The following NRXN3 variants were observed in gnomAD, a reference collection of about 807,000 sequenced individuals.
The protein encoded by NRXN3 is neurexin III.
A neutral mutation model predicts 137.6 loss-of-function variants in NRXN3; 32 were observed. The ratio of observed to expected loss-of-function variants is 0.23; its 90% CI spans 0.18 to 0.31. The LOEUF is 0.31. Ranked by LOEUF, NRXN3 falls within the 10% of genes least tolerant of loss-of-function variation. The pLI, the probability that NRXN3 is intolerant of heterozygous loss-of-function variation, is 1.00. For synonymous variants in NRXN3, 798 were observed against 784.5 expected (o/e 1.02, Z -0.29); for missense variants, 1,574 against 2,062.5 (o/e 0.76, Z 4.59).
chr14:79,134,591 T>A (rs1012464355), intron 15 of NRXN3, among the ~76,000 whole-genome samples: 6 of 152,236 alleles, frequency 3.9e-5, no homozygotes, highest in African/African-American at 1.2e-4. Context: ...AAGCAGCAGC[T>A]GCTTTGAGAC....
At chr14:79,661,165 G>C (rs221443) in intron 16 of NRXN3, among the ~76,000 whole-genome samples, 39,476 of 151,950 alleles carry the variant, frequency 0.26, 5,445 homozygotes, top group Middle Eastern at 0.44. Flanking sequence ...GCTTTTCCTA[G>C]TGCAGAGATG....
intron 1 of NRXN3, among the ~76,000 whole-genome samples, chr14:78,227,575 C>T (rs559549107): frequency 1.2e-4 from 19 of 152,334 alleles, no homozygotes; most frequent in South Asian, 1.0e-3. Context: ...TGACTTTGCA[C>T]ACCCACTAGC....
intron 10 of NRXN3, among the ~76,000 whole-genome samples, chr14:78,852,706 TAA>T (rs1358282727): frequency 6.6e-6 from 1 of 152,168 alleles, no homozygotes; most frequent in African/African-American, 2.4e-5. Context: ...ACTTAAATAA[TAA>T]GTTATTAAGT....
At chr14:78,171,039 A>C (rs1285971360) in intron 1 of NRXN3, among the ~76,000 whole-genome samples, 1 of 145,656 alleles carries the variant, frequency 6.9e-6, no homozygotes, top group Non-Finnish European at 1.5e-5. Context: ...CATTTTGGGC[A>C]GATACTTTTT....
intron 2 of NRXN3, among the ~76,000 whole-genome samples, chr14:78,258,819 G>T (rs1409560687): frequency 6.6e-6 from 1 of 152,142 alleles, no homozygotes; most frequent in African/African-American, 2.4e-5. Flanking sequence ...TACCTTCAAT[G>T]TAGTGAGGTC....
At chr14:79,073,729 C>A (rs2099691411) in intron 15 of NRXN3, among the ~76,000 whole-genome samples, 1 of 152,074 alleles carries the variant, frequency 6.6e-6, no homozygotes, top group Admixed American at 6.6e-5. Context: ...TTTTTTCTAT[C>A]TGCACATGGC....
chr14:79,182,455 C>T (rs930993081), intron 15 of NRXN3, among the ~76,000 whole-genome samples: 1 of 151,892 alleles, frequency 6.6e-6, no homozygotes, highest in Non-Finnish European at 1.5e-5. Context: ...ATTAGGTTCT[C>T]ATGAGGAACG....
In NRXN3 at chr14:78,943,663, T is replaced by A. The variant is rs1224531081; in HGVS notation, c.2276-13579T>A. On this transcript the variant is annotated intron_variant, in intron 10 of 20. Coordinates refer to ENST00000335750, the MANE Select transcript of NRXN3 (RefSeq NM_001330195.2). The stretch of plus-strand genomic sequence containing the variant: ...ATATATATATATATATATATATATA[T>A]ATATATATATATATATCTCAAAGAA... Among the ~76,000 whole-genome samples, 21 of 81,526 alleles carry A rather than the reference T, an allele frequency of 2.6e-4. 1 individual carries two copies. Among genetic ancestry groups the A allele is most frequent in the African/African-American group, 8.5e-4 (13 of 15,294 alleles). 53.5% of individuals were successfully genotyped at this position (81,526 alleles called of 152,430 possible).
intron 4 of NRXN3, among the ~76,000 whole-genome samples, chr14:78,580,768 A>T (rs1400491265): frequency 1.3e-5 from 2 of 152,194 alleles, no homozygotes; most frequent in East Asian, 1.9e-4. Flanking sequence ...GGTAGCTTTG[A>T]TCATTGTACA....
At chr14:79,615,986 C>A (rs1268521703) in intron 16 of NRXN3, among the ~76,000 whole-genome samples, 1 of 151,958 alleles carries the variant, frequency 6.6e-6, no homozygotes, top group African/African-American at 2.4e-5. Flanking sequence ...AGTAAGAGAG[C>A]AAGAATTCAT....
In NRXN3 at chr14:78,968,048, T is replaced by TTCCCC. The variant is rs2099425468; in HGVS notation, c.2969-125_2969-124insTCCCC. On this transcript the variant is annotated intron_variant, in intron 13 of 20. Transcript: ENST00000335750. ...TCAGGTGCTTATCTCATTTATGCTGTCCCCCCCCCCCCCCCCCAGCTATCT... is the reference window on the plus strand; with the variant it reads ...TCAGGTGCTTATCTCATTTATGCTGTTCCCCCCCCCCCCCCCCCCCCCAGCTATCT... The TTCCCC allele has an allele frequency of 2.8e-4, 15 of 54,524 alleles. 2 individuals carry two copies. In the East Asian group the frequency reaches 5.3e-3, roughly 19 times the overall value. 3.4% of individuals were successfully genotyped at this position (54,524 alleles called of 1,614,324 possible). A position where few individuals can be genotyped will look rare whatever the true frequency, so the allele number is the denominator to read the frequency against.
chr14:78,503,476 T>A (rs1376629628), intron 4 of NRXN3, among the ~76,000 whole-genome samples: 1 of 152,112 alleles, frequency 6.6e-6, no homozygotes, highest in Non-Finnish European at 1.5e-5. Context: ...GGAATCTAGG[T>A]TGTCAGCTGG....
In NRXN3 at chr14:78,821,162, G is replaced by A. The variant is rs10137487; in HGVS notation, c.2275+10818G>A. Among the ~76,000 whole-genome samples, 585 of 152,234 alleles carry A rather than the reference G, an allele frequency of 3.8e-3. 5 individuals carry two copies. The highest frequency in any genetic ancestry group is 0.013 in the African/African-American group (554 of 41,548). ...AGAGGGGGATCACTGCAAAGGTAAC[G>A]AATTAGAATATTTTTACCTAAACCG... is the stretch of plus-strand genomic sequence containing the variant. On this transcript the variant is annotated intron_variant, in intron 10 of 20. Coordinates refer to ENST00000335750, the MANE Select transcript of NRXN3 (RefSeq NM_001330195.2).
chr14:79,418,808 G>C lies in NRXN3; in HGVS notation c.3263-48413G>C, dbSNP rs74903835. On this transcript the variant is annotated intron_variant, in intron 15 of 20. Transcript: ENST00000335750. ...GTCTAAACTAAGAGGGTAAACAGCA[G>C]GTGACAGTAAATTGGAGCACTTGGC... is the stretch of plus-strand genomic sequence containing the variant. 4.4e-4 allele frequency among the ~76,000 whole-genome samples: 67 copies of C among 152,276 alleles called. No individual in the cohort carries two copies. In the East Asian group the frequency reaches 0.012, roughly 28 times the overall value.
chr14:79,625,709 C>T (rs1222797409), intron 16 of NRXN3, among the ~76,000 whole-genome samples: 1 of 152,176 alleles, frequency 6.6e-6, no homozygotes, highest in Admixed American at 6.5e-5. Context: ...TCCAGATTAC[C>T]TTTTCTCCCC....
chr14:79,604,637 T>C (rs767085918), intron 16 of NRXN3, among the ~76,000 whole-genome samples: 1 of 152,026 alleles, frequency 6.6e-6, no homozygotes, highest in Non-Finnish European at 1.5e-5. Flanking sequence ...CAGACCATAA[T>C]TTAACCAGCT....
intron 19 of NRXN3, among the ~76,000 whole-genome samples, chr14:79,781,716 C>G (rs1029905301): frequency 1.3e-5 from 2 of 152,212 alleles, no homozygotes; most frequent in African/African-American, 2.4e-5. Context: ...GTTGTGGAAG[C>G]AGCTTTCCAT....
At position 79,174,634 on chromosome 14, in the gene NRXN3, A is replaced by T. The variant is rs112741801; in HGVS notation, c.3262+186493A>T. ...ATTGCATCATATTTTGCGGTGGTTT[A>T]AAAAAAAAAAAAGAGGAAAGATTAA... On this transcript the variant is annotated intron_variant, in intron 15 of 20. Transcript: ENST00000335750. 9.7e-5 allele frequency among the ~76,000 whole-genome samples: 13 copies of T among 134,138 alleles called. No homozygotes were observed. The East Asian group carries it at 2.3e-3, about 23-fold the overall frequency. 88.0% of individuals were successfully genotyped at this position (134,138 alleles called of 152,430 possible).
intron 4 of NRXN3, among the ~76,000 whole-genome samples, chr14:78,414,183 C>T (rs1184882783): frequency 6.6e-6 from 1 of 151,356 alleles, no homozygotes; most frequent in South Asian, 2.1e-4. Flanking sequence ...GGCTAATACA[C>T]CATCCTTTTT....
Sources: gnomAD v4.1 joint callset for allele counts (sites outside exome capture counted in the v4.1 genomes callset) on GRCh38, gnomAD v4.1.1 for gene constraint, MANE v1.5 for transcripts, NCBI Gene and HGNC (gene_info 2026-07-23, HGNC 2026-07-21) for gene names.